Variants in DACH2 observed in about 807,000 individuals in gnomAD.
DACH2 encodes the protein dachshund family transcription factor 2.
A neutral mutation model predicts 35.8 loss-of-function variants in DACH2; 17 were observed. The ratio of observed to expected loss-of-function variants is 0.48; its 90% CI spans 0.33 to 0.71. The LOEUF (loss-of-function observed/expected upper bound fraction) is 0.71, where lower values mean the gene tolerates loss of function less well. Ranked by LOEUF, DACH2 falls within the 30% of genes least tolerant of loss-of-function variation. The pLI, the probability that DACH2 is intolerant of heterozygous loss-of-function variation, is 0.02. For missense variants in DACH2, 469 were observed against 472.7 expected (o/e 0.99, Z 0.07); for synonymous variants, 195 against 177.3 (o/e 1.10, Z -0.79).
intron 2 of DACH2, among the ~76,000 whole-genome samples, chrX:86,485,352 G>T (rs2038003092): frequency 9.0e-6 from 1 of 111,292 alleles, no homozygotes; most frequent in Non-Finnish European, 1.9e-5. Flanking sequence ...AAGTAGAATA[G>T]TGATTGCCAG....
At chrX:86,273,799 AT>A (rs1427126601) in intron 1 of DACH2, among the ~76,000 whole-genome samples, 1 of 111,979 alleles carries the variant, frequency 8.9e-6, no homozygotes, top group Non-Finnish European at 1.9e-5. Context: ...GCTTTTCCAA[AT>A]TTTATCATTC....
intron 1 of DACH2, among the ~76,000 whole-genome samples, chrX:86,286,252 C>T (rs899142672): frequency 1.8e-4 from 19 of 103,725 alleles, no homozygotes; most frequent in Middle Eastern, 0.01. Flanking sequence ...CTCAGCCTCC[C>T]GAGTAGCTGG....
At chrX:86,218,712 C>G (rs2032633750) in intron 1 of DACH2, among the ~76,000 whole-genome samples, 1 of 111,908 alleles carries the variant, frequency 8.9e-6, no homozygotes, top group African/African-American at 3.2e-5. Context: ...TGATTTCTCA[C>G]TGAGATCTGA....
At chrX:86,791,640 AAGCTCT>A (rs976933736) in intron 7 of DACH2, among the ~76,000 whole-genome samples, 1 of 111,609 alleles carries the variant, frequency 9.0e-6, no homozygotes, top group African/African-American at 3.2e-5. Context: ...GCTCTCTAGG[AAGCTCT>A]AGCTTATTTC....
intron 2 of DACH2, among the ~76,000 whole-genome samples, chrX:86,506,425 G>T (rs1283402942): frequency 9.0e-6 from 1 of 111,320 alleles, no homozygotes; most frequent in Non-Finnish European, 1.9e-5. Flanking sequence ...ACAGTATGTT[G>T]CTGTCTCACC....
intron 3 of DACH2, among the ~76,000 whole-genome samples, chrX:86,574,536 G>A (rs1393616077): frequency 1.8e-5 from 2 of 111,479 alleles, no homozygotes; most frequent in Non-Finnish European, 3.8e-5. Flanking sequence ...GAGATTTTCA[G>A]TATGTGGCTT....
intron 7 of DACH2, among the ~76,000 whole-genome samples, chrX:86,759,804 A>G (rs2041862968): frequency 9.0e-6 from 1 of 110,904 alleles, no homozygotes. Flanking sequence ...TAGCTCTACC[A>G]GTGTATTTTG....
At chrX:86,172,056 T>C (rs1168390399) in intron 1 of DACH2, among the ~76,000 whole-genome samples, 1 of 112,331 alleles carries the variant, frequency 8.9e-6, no homozygotes, top group Non-Finnish European at 1.9e-5. Flanking sequence ...CATTACAATT[T>C]GAATTCAAGA....
chrX:86,194,532 A>G (rs1402551964), intron 1 of DACH2, among the ~76,000 whole-genome samples: 1 of 112,138 alleles, frequency 8.9e-6, no homozygotes, highest in Non-Finnish European at 1.9e-5. Flanking sequence ...GCTACTGCAC[A>G]CTAGGACTCA....
rs769078402 is a variant in DACH2, at chrX:86,790,876, A to T, written c.1241-21980A>T. ...ACTTTTGACTCTCCAAAAACTTAAA[A>T]CTACTGATAGCCTGCTGTTGACTGG... On this transcript the variant is annotated intron_variant, in intron 7 of 11. Transcript: ENST00000373125. Among the ~76,000 whole-genome samples, 8 of 111,579 alleles carry T rather than the reference A, an allele frequency of 7.2e-5. No homozygotes were observed. In the East Asian group the frequency reaches 1.7e-3, roughly 24 times the overall value.
intron 7 of DACH2, among the ~76,000 whole-genome samples, chrX:86,757,986 G>T (rs910001525): frequency 1.8e-5 from 2 of 111,670 alleles, no homozygotes; most frequent in African/African-American, 6.5e-5. Flanking sequence ...ATTCAATTTT[G>T]GTAGGCTGTA....
chrX:86,152,355 C>T (rs928007528), intron 1 of DACH2, among the ~76,000 whole-genome samples: 2 of 110,773 alleles, frequency 1.8e-5, no homozygotes, highest in African/African-American at 6.6e-5. Context: ...TTTTCAAAGA[C>T]CTTAAGGTAT....
intron 3 of DACH2, among the ~76,000 whole-genome samples, chrX:86,642,354 C>A (rs1170154239): frequency 9.0e-6 from 1 of 111,433 alleles, no homozygotes; most frequent in Non-Finnish European, 1.9e-5. Context: ...AAAAAAAAGA[C>A]AAGGAAGAGC....
chrX:86,728,762 C>A (rs1232377039), intron 6 of DACH2, among the ~76,000 whole-genome samples: 1 of 112,779 alleles, frequency 8.9e-6, no homozygotes, highest in East Asian at 2.8e-4. Flanking sequence ...GCCACCATAT[C>A]CCTCGGCAGC....
At chrX:86,410,345 A>G (rs2036589616) in intron 2 of DACH2, among the ~76,000 whole-genome samples, 1 of 112,253 alleles carries the variant, frequency 8.9e-6, no homozygotes, top group Non-Finnish European at 1.9e-5. Flanking sequence ...ATTTATGCTA[A>G]ATAATCATGA....
chrX:86,578,708 T>C lies in DACH2; in HGVS notation c.640+64317T>C, dbSNP rs191418413. ...GCAGTCACCATATTTTTGGTGATTA[T>C]GAATGAAGTTGCTGTAAAAATTATA... is the stretch of plus-strand genomic sequence containing the variant. On this transcript the variant is annotated intron_variant, in intron 3 of 11. Coordinates refer to ENST00000373125, the MANE Select transcript of DACH2 (RefSeq NM_053281.3). Among the ~76,000 whole-genome samples, 30 of 112,086 alleles carry C rather than the reference T, an allele frequency of 2.7e-4. No homozygotes were observed. In the East Asian group the frequency reaches 3.1e-3, roughly 12 times the overall value.
chrX:86,540,891 G>C (rs1315353275), intron 3 of DACH2, among the ~76,000 whole-genome samples: 1 of 111,359 alleles, frequency 9.0e-6, no homozygotes, highest in Non-Finnish European at 1.9e-5. Flanking sequence ...GAATGCTAAT[G>C]GTATACTTGG....
At chrX:86,729,784 T>G (rs764039980) in intron 6 of DACH2, among the ~76,000 whole-genome samples, 4 of 111,215 alleles carry the variant, frequency 3.6e-5, no homozygotes, top group Non-Finnish European at 7.5e-5. Flanking sequence ...CACACCCTTT[T>G]TCCTGCTCTA....
rs1383223837 is a variant in DACH2, at chrX:86,650,354, A to G, written c.641-682A>G. On this transcript the variant is annotated intron_variant, in intron 3 of 11. Transcript: ENST00000373125. ...GTATTAGGCAGATAAAAAGGTAGAA[A>G]GAATACCTGAAGTCTTTTCCTTCTT... Among the ~76,000 whole-genome samples the G allele has an allele frequency of 1.8e-5, 2 of 111,376 alleles. 1 individual carries two copies. Among genetic ancestry groups the G allele is most frequent in the African/African-American group, 6.5e-5 (2 of 30,721 alleles).
Sources: allele counts gnomAD v4.1 joint callset (sites outside exome capture counted in the v4.1 genomes callset), GRCh38; gene constraint gnomAD v4.1.1; transcripts MANE v1.5; gene names NCBI Gene and HGNC (gene_info 2026-07-23, HGNC 2026-07-21).